SFPQ: variants seen among roughly 807,000 people sequenced by gnomAD.
The protein encoded by SFPQ is splicing factor proline and glutamine rich.
Under a neutral mutation model 72.9 loss-of-function variants are expected in SFPQ, and 11 were observed. The ratio of observed to expected loss-of-function variants is 0.15; its 90% confidence interval spans 0.09 to 0.25. The LOEUF is 0.25. SFPQ is among the 10% of genes least tolerant of loss of function. The pLI is 1.00. For missense variants in SFPQ, 847 were observed against 993.3 expected, an observed-to-expected ratio of 0.85 and a Z score of 1.98; for synonymous variants, 506 against 367.3, an observed-to-expected ratio of 1.38 and a Z score of -4.32.
chr1:35,188,954 T>C (rs778150228), intron 6 of SFPQ, 49 bp downstream of exon 6: 2 of 1,474,226 alleles, frequency 1.4e-6, no homozygotes, highest in African/African-American at 2.8e-5. Context: ...GAATGATACG[T>C]TTCAAAGAAA....
chr1:35,180,173 T>C (rs1162031039), downstream of SFPQ: 1 of 1,050,734 alleles, frequency 9.5e-7, no homozygotes, highest in Admixed American at 5.5e-5. Context: ...AGTAAACCAC[T>C]TTCCAGTTAC....
Position 35,192,834 on chromosome 1 carries a change from T to G in SFPQ, c.216A>C (p.Pro72=). 1.3e-6 allele frequency: 2 copies of G among 1,518,832 alleles called. No individual in the cohort carries two copies. The highest frequency in any genetic ancestry group is 5.2e-5 in the East Asian group (2 of 38,600). 94.1% of individuals were successfully genotyped at this position (1,518,832 alleles called of 1,614,324 possible). A position where few individuals can be genotyped will look rare whatever the true frequency, so the allele number is the denominator to read the frequency against. Residue 72 remains proline, a synonymous_variant, in exon 1 of 10, where the codon CCA becomes CCC. Transcript: ENST00000357214. ...PPPPHQQQQQ[P]PPQQPPPQQP... ...GCTGCGGCGGTGGCTGCTGCGGTGG[T>G]GGCTGTTGCTGCTGTTGGTGTGGAG... is the stretch of plus-strand genomic sequence containing the variant.
rs1235332657 is a variant in SFPQ at position 35,184,532 on chromosome 1, A to T, written c.2048T>A (p.Met683Lys). 6.2e-7 allele frequency: 1 copy of T among 1,613,380 alleles called. No homozygotes were observed. The highest frequency in any genetic ancestry group is 1.7e-5 in the Admixed American group (1 of 59,900). Residue 683 changes from methionine (M) to lysine (K), a missense_variant, in exon 10 of 10, where the codon ATG (methionine) becomes AAG (lysine). Around this residue, in one of 6 missense-constraint regions of SFPQ, gnomAD observed 154 missense variants for 186.0 expected, o/e 0.83. Coordinates refer to ENST00000357214, the MANE Select transcript of SFPQ (RefSeq NM_005066.3). The stretch of plus-strand genomic sequence containing the variant: ...ATATCCTGCTGGAGTTCCAGGCCCC[A>T]TTCCTCTAGGACCCTGTCCACCCAC... The part of the protein sequence containing the change: ...GPVGGQGPRG[M>K]GPGTPAGYGR...
chr1:35,189,312 A>C lies in SFPQ; in HGVS notation c.1486T>G (p.Ser496Ala), dbSNP rs1257602857. The change falls in exon 5 of 10, where the codon TCT (serine) becomes GCT (alanine). Residue 496 changes from serine (S) to alanine (A), a missense_variant. Physicochemically the swap from Ser to Ala is moderately conservative, Grantham distance 99. Transcript: ENST00000357214. The part of the protein sequence containing the change: ...FEYEYSQRWK[S>A]LDEMEKQQRE... ...TGCTGTTTTTCCATTTCATCCAAAGACTTCCATCGCTGAGAATATTCGTAC... is the reference window on the plus strand; with the variant it reads ...TGCTGTTTTTCCATTTCATCCAAAGCCTTCCATCGCTGAGAATATTCGTAC... 1.9e-5 allele frequency: 30 copies of C among 1,613,910 alleles called. No homozygotes were observed. Among genetic ancestry groups the C allele is most frequent in the Non-Finnish European group, 2.3e-5 (27 of 1,179,996 alleles).
chr1:35,181,429 C>A (rs1639460705), downstream of SFPQ: 1 of 1,063,732 alleles, frequency 9.4e-7, no homozygotes, highest in Non-Finnish European at 1.1e-6. Flanking sequence ...ACAATTTCCC[C>A]ATTTTTTAGC....
chr1:35,187,832 A>G lies in SFPQ; in HGVS notation c.1815+141T>C, dbSNP rs1639798363. On this transcript the variant is annotated intron_variant, in intron 7 of 9. Transcript: ENST00000357214. ...TCAATTAAATCCTCTGACCCATACA[A>G]GGAAATCAAACATAATATACTTTGT... is the stretch of plus-strand genomic sequence containing the variant. 7.6e-6 allele frequency: 5 copies of G among 660,292 alleles called. No individual in the cohort carries two copies. In the South Asian group the frequency reaches 9.3e-5, roughly 12 times the overall value. 40.9% of individuals were successfully genotyped at this position (660,292 alleles called of 1,614,324 possible).
chr1:35,185,957 T>G (rs1303730518), intron 9 of SFPQ, among the ~76,000 whole-genome samples: 1 of 152,202 alleles, frequency 6.6e-6, no homozygotes, highest in South Asian at 2.1e-4. Flanking sequence ...CCTAACAATC[T>G]GTCTTTAGGA....
At chr1:35,179,271 A>T, downstream of SFPQ, 1 of 1,060,620 alleles carries the variant, frequency 9.4e-7, no homozygotes, top group Non-Finnish European at 1.1e-6. Flanking sequence ...ATTAAGGTTA[A>T]AAGTCCAAAA....
Position 35,184,500 on chromosome 1 carries a change from C to G in SFPQ, c.2080G>C (p.Gly694Arg). 6.2e-7 allele frequency: 1 copy of G among 1,613,318 alleles called. No individual in the cohort carries two copies. The highest frequency in any genetic ancestry group is 8.5e-7 in the Non-Finnish European group (1 of 1,179,648). ...GPGTPAGYGR[G>R]REEYEGPNKK... ...TTTGGGCCTTCGTACTCTTCTCTCC[C>G]TCTACCATATCCTGCTGGAGTTCCA... is the stretch of plus-strand genomic sequence containing the variant. Residue 694 changes from glycine to arginine, a missense_variant, in exon 10 of 10, where the codon GGG becomes CGG. By Grantham distance (125) the Gly-to-Arg change is moderately radical. This residue lies in a region of SFPQ where 154 missense variants were observed against 186.0 expected (regional missense o/e 0.83). Transcript: ENST00000357214.
chr1:35,181,368 A>G (rs971807002), downstream of SFPQ: 1 of 1,064,944 alleles, frequency 9.4e-7, no homozygotes, highest in African/African-American at 1.6e-5. Context: ...CAAGTATCTA[A>G]ATTTTAATCT....
Position 35,184,572 on chromosome 1 carries a change from C to G in SFPQ, c.2008G>C (p.Gly670Arg). The change falls in exon 10 of 10, where the codon GGA becomes CGA. Residue 670 changes from glycine (G) to arginine (R), a missense_variant. Physicochemically the swap from Gly to Arg is moderately radical, Grantham distance 125. This residue lies in a region of SFPQ where 154 missense variants were observed against 186.0 expected (regional missense o/e 0.83). Coordinates refer to ENST00000357214, the MANE Select transcript of SFPQ (RefSeq NM_005066.3). Reference sequence around the variant, plus strand: ...TGTCCACCCACAGGCCCCGCACCTCCCTGCCCAAAGCGCTCAGTACGCTAT... The same window carrying G: ...TGTCCACCCACAGGCCCCGCACCTCGCTGCCCAAAGCGCTCAGTACGCTAT... Reference protein sequence around the residue: ...SDMRTERFGQGGAGPVGGQGP... With the variant: ...SDMRTERFGQRGAGPVGGQGP... 6.2e-7 allele frequency: 1 copy of G among 1,603,300 alleles called. No homozygotes were observed. Among genetic ancestry groups the G allele is most frequent in the Non-Finnish European group, 8.5e-7 (1 of 1,176,910 alleles).
rs377746910 is a variant in SFPQ at position 35,193,059 on chromosome 1, C to T, written c.-10G>A. On this transcript the variant is annotated 5_prime_UTR_variant, in exon 1 of 10. Coordinates refer to ENST00000357214, the MANE Select transcript of SFPQ (RefSeq NM_005066.3). ...ACCGATCCCGAGACATGTCTGTGGT[C>T]AAGGGGCGGTCGAGGCAAAAGCGAA... 20 of 1,552,710 alleles carry T rather than the reference C, an allele frequency of 1.3e-5. No individual in the cohort carries two copies. The African/African-American group carries it at 1.8e-4, about 14-fold the overall frequency.
chr1:35,190,478 A>G lies in SFPQ; in HGVS notation c.1415+20T>C, dbSNP rs745743079. On this transcript the variant is annotated intron_variant, in intron 4 of 9. Coordinates refer to ENST00000357214, the MANE Select transcript of SFPQ (RefSeq NM_005066.3). ...TTACACTTGATTTAAAAACTGCCAA[A>G]AAAGTTTAATCAATCTTACTTTTGA... The G allele has an allele frequency of 3.2e-5, 50 of 1,554,128 alleles. No homozygotes were observed. The African/African-American group carries it at 4.4e-4, about 14-fold the overall frequency.
intron 2 of SFPQ, 98 bp from the exon 3 acceptor site, chr1:35,191,093 G>A (rs1040198647): frequency 8.9e-7 from 1 of 1,126,078 alleles, no homozygotes; most frequent in Non-Finnish European, 1.3e-6. Flanking sequence ...TCTTCCTTCA[G>A]CTCAGTTCGA....
chr1:35,191,645 A>G, intron 1 of SFPQ, 116 bp from the exon 2 acceptor site: 1 of 753,776 alleles, frequency 1.3e-6, no homozygotes, highest in Non-Finnish European at 2.1e-6. Flanking sequence ...GTTTGGTCAA[A>G]ATCAAGGTTT....
intron 2 of SFPQ, 111 bp downstream of exon 2, chr1:35,191,230 A>G (rs1413427478): frequency 4.1e-6 from 4 of 963,934 alleles, no homozygotes; most frequent in African/African-American, 1.7e-5. Flanking sequence ...TGAAAAATCT[A>G]AAAGATCAAT....
chr1:35,178,460 G>A, downstream of SFPQ: 1 of 1,064,196 alleles, frequency 9.4e-7, no homozygotes, highest in Non-Finnish European at 1.1e-6. Context: ...CAGGCAGGCT[G>A]ACCACCTTCA....
intron 4 of SFPQ, among the ~76,000 whole-genome samples, chr1:35,189,602 A>T (rs1255175937): frequency 6.6e-6 from 1 of 152,110 alleles, no homozygotes; most frequent in African/African-American, 2.4e-5. Flanking sequence ...TCGTTTTCTA[A>T]TTGTTTTCCT....
rs1056878093 is a variant in SFPQ at position 35,183,654 on chromosome 1, G to T, written c.*802C>A. ...AAAAGTTCAATACAAGCCATTTATAGGGCTTGAGATTTGTTGGTCTTTTAA... is the reference window on the plus strand; with the variant it reads ...AAAAGTTCAATACAAGCCATTTATATGGCTTGAGATTTGTTGGTCTTTTAA... On this transcript the variant is annotated 3_prime_UTR_variant, in exon 10 of 10. Transcript: ENST00000357214. 8 of 1,037,838 alleles carry T rather than the reference G, an allele frequency of 7.7e-6. No individual in the cohort carries two copies. The highest frequency in any genetic ancestry group is 9.3e-6 in the Non-Finnish European group (8 of 861,774). The allele number at this position is 1,037,838 out of a possible 1,614,324, so 64.3% of individuals were successfully genotyped here.
Sources: allele counts gnomAD v4.1 joint callset (sites outside exome capture counted in the v4.1 genomes callset), GRCh38; gene constraint gnomAD v4.1.1; regional missense constraint gnomAD v4.1.1; transcripts MANE v1.5; gene names NCBI Gene and HGNC (gene_info 2026-07-23, HGNC 2026-07-21).